PIK3C2G: variants seen among roughly 807,000 people sequenced by gnomAD.
PIK3C2G encodes the protein phosphatidylinositol 3-kinase C2 domain-containing subunit gamma.
A neutral mutation model predicts 181.1 loss-of-function variants in PIK3C2G; 168 were observed. That is an observed-to-expected ratio of 0.93 (90% CI 0.82 to 1.05). The LOEUF is 1.05. Ranked by LOEUF, PIK3C2G falls within the 50% of genes least tolerant of loss-of-function variation. The pLI is 0.00. For missense variants in PIK3C2G, 1,869 were observed against 1,732.8 expected, an observed-to-expected ratio of 1.08 and a Z score of -1.40; for synonymous variants, 573 against 592.2, an observed-to-expected ratio of 0.97 and a Z score of 0.47.
the PIK3C2G span, among the ~76,000 whole-genome samples, chr12:18,664,024 T>C: frequency 1.1e-4 from 16 of 152,060 alleles, no homozygotes; most frequent in African/African-American, 3.9e-4. Context: ...TCATTGAAAA[T>C]GCAAATCAAA....
chr12:18,274,038 AAC>A (rs1319603674), intron 1 of PIK3C2G, among the ~76,000 whole-genome samples: 1 of 152,204 alleles, frequency 6.6e-6, no homozygotes, highest in Non-Finnish European at 1.5e-5. Context: ...ACAGCCAAAA[AAC>A]ACATGAAAAA....
intron 13 of PIK3C2G, among the ~76,000 whole-genome samples, chr12:18,379,313 A>G (rs918687691): frequency 7.1e-6 from 1 of 141,212 alleles, no homozygotes; most frequent in Non-Finnish European, 1.5e-5. Flanking sequence ...GAATTGAACA[A>G]TGAGAACACT....
At chr12:18,266,103 TATC>T (rs1948488157) in intron 1 of PIK3C2G, among the ~76,000 whole-genome samples, 1 of 151,796 alleles carries the variant, frequency 6.6e-6, no homozygotes, top group African/African-American at 2.4e-5. Context: ...TGCTTATATT[TATC>T]ATCATTAGAT....
chr12:18,465,064 AATTT>A (rs1343879694), intron 18 of PIK3C2G, among the ~76,000 whole-genome samples: 4 of 151,980 alleles, frequency 2.6e-5, no homozygotes, highest in Non-Finnish European at 5.9e-5. Context: ...ATCTACACTT[AATTT>A]ATCAGAATCT....
At position 18,496,142 on chromosome 12, in the gene PIK3C2G, CAT is replaced by C. The variant is rs755317809; in HGVS notation, c.2875_2876del (p.Ile959TyrfsTer3). The C allele has an allele frequency of 6.6e-7, 1 of 1,525,552 alleles. No individual in the cohort carries two copies. Among genetic ancestry groups the C allele is most frequent in the Non-Finnish European group, 8.9e-7 (1 of 1,127,746 alleles). The allele number at this position is 1,525,552 out of a possible 1,614,324, so 94.5% of individuals were successfully genotyped here. A position where few individuals can be genotyped will look rare whatever the true frequency, so the allele number is the denominator to read the frequency against. ...CTAATCCGATGGGCAAAAACATCAG[CAT>C]TATTTTTAAGGTATGGTAGCGCTCT... ...NANPMGKNIS[I>X]IFKAGDDLRQ... On this transcript the variant is annotated frameshift_variant, in exon 21 of 33. Transcript: ENST00000538779. LOFTEE classifies it high-confidence loss of function.
intron 18 of PIK3C2G, among the ~76,000 whole-genome samples, chr12:18,466,945 T>C (rs531778852): frequency 2.0e-5 from 3 of 152,184 alleles, no homozygotes; most frequent in African/African-American, 7.2e-5. Flanking sequence ...AGAACTAATA[T>C]GAAAATGCAA....
intron 18 of PIK3C2G, among the ~76,000 whole-genome samples, chr12:18,459,473 G>C (rs1947804643): frequency 6.6e-6 from 1 of 152,126 alleles, no homozygotes; most frequent in South Asian, 2.1e-4. Flanking sequence ...AATGTTCATG[G>C]GAAAGGGTGA....
the PIK3C2G span, among the ~76,000 whole-genome samples, chr12:18,708,947 C>G: frequency 1.9e-4 from 29 of 152,118 alleles, no homozygotes; most frequent in South Asian, 1.7e-3. Context: ...TATTTTTTCC[C>G]CAATTCATAG....
exon 1 of PIK3C2G, chr12:18,247,837 C>G (rs1161881632): frequency 6.6e-6 from 1 of 152,208 alleles, no homozygotes; most frequent in Non-Finnish European, 1.5e-5. Context: ...CTCAACTTTA[C>G]AGGCTGCTCT....
chr12:18,327,908 A>G (rs2137517667), intron 8 of PIK3C2G, among the ~76,000 whole-genome samples: 1 of 152,050 alleles, frequency 6.6e-6, no homozygotes, highest in South Asian at 2.1e-4. Flanking sequence ...TAATATACAC[A>G]ATGGTGTCTA....
At chr12:18,354,152 C>A (rs777525818) in intron 11 of PIK3C2G, among the ~76,000 whole-genome samples, 7 of 152,234 alleles carry the variant, frequency 4.6e-5, no homozygotes, top group Non-Finnish European at 1.0e-4. Context: ...AGTTCAAATA[C>A]TTGGGTTAAA....
chr12:18,378,030 C>T (rs1942574833), intron 13 of PIK3C2G, among the ~76,000 whole-genome samples: 2 of 152,106 alleles, frequency 1.3e-5, no homozygotes, highest in African/African-American at 4.8e-5. Context: ...TGATACATTG[C>T]CCCATACACA....
intron 12 of PIK3C2G, among the ~76,000 whole-genome samples, chr12:18,368,747 T>C (rs1278024421): frequency 6.6e-6 from 1 of 152,206 alleles, no homozygotes; most frequent in Non-Finnish European, 1.5e-5. Flanking sequence ...CCACGCTGGG[T>C]CTGGATTTGA....
intron 8 of PIK3C2G, among the ~76,000 whole-genome samples, chr12:18,337,515 T>C (rs963043079): frequency 1.3e-5 from 2 of 152,136 alleles, no homozygotes; most frequent in East Asian, 1.9e-4. Context: ...CTGCAGACAA[T>C]ACAAGAAGTG....
intron 16 of PIK3C2G, among the ~76,000 whole-genome samples, chr12:18,416,544 C>T (rs187348459): frequency 2.9e-4 from 44 of 152,086 alleles, no homozygotes; most frequent in African/African-American, 9.4e-4. Context: ...ATGCAGCTGG[C>T]GATTTTAAAT....
chr12:18,395,164 CAACA>C (rs1481358460), intron 15 of PIK3C2G, among the ~76,000 whole-genome samples: 1 of 145,888 alleles, frequency 6.9e-6, no homozygotes, highest in Non-Finnish European at 1.5e-5. Context: ...CACGCACACA[CAACA>C]AACACCCCCA....
At chr12:18,552,490 C>T (rs11832045) in intron 26 of PIK3C2G, among the ~76,000 whole-genome samples, 5,053 of 151,918 alleles carry the variant, frequency 0.033, 190 homozygotes, top group African/African-American at 0.1. Context: ...CAATTGATAC[C>T]TACAGAAATA....
intron 19 of PIK3C2G, among the ~76,000 whole-genome samples, chr12:18,490,706 G>A (rs1940482682): frequency 6.6e-6 from 1 of 152,110 alleles, no homozygotes; most frequent in Admixed American, 6.6e-5. Context: ...GCAAATGACA[G>A]GATCTCATTC....
chr12:18,573,408 A>G (rs1289987959), intron 29 of PIK3C2G, among the ~76,000 whole-genome samples: 2 of 152,108 alleles, frequency 1.3e-5, no homozygotes, highest in East Asian at 3.9e-4. Flanking sequence ...CCTGGCTTCA[A>G]TTTCCTTTTC....
Sources: allele counts gnomAD v4.1 joint callset (sites outside exome capture counted in the v4.1 genomes callset), GRCh38; gene constraint gnomAD v4.1.1; transcripts MANE v1.5; gene names NCBI Gene and HGNC (gene_info 2026-07-23, HGNC 2026-07-21).